The following NRG1 variants were observed in gnomAD, a reference collection of about 807,000 sequenced individuals.
The protein encoded by NRG1 is pro-neuregulin-1, membrane-bound isoform.
Under a neutral mutation model 63.8 loss-of-function variants are expected in NRG1, and 18 were observed. That is an observed-to-expected ratio of 0.28 (90% confidence interval 0.19 to 0.42). The LOEUF (loss-of-function observed/expected upper bound fraction) is 0.42, where lower values mean the gene tolerates loss of function less well. NRG1 is among the 10% of genes least tolerant of loss of function. The pLI is 1.00. For synonymous variants in NRG1, 302 were observed against 301.3 expected (o/e 1.00, Z -0.02); for missense variants, 762 against 814.7 (o/e 0.94, Z 0.79).
chr8:31,965,841 A>T (rs1806228513), intron 1 of NRG1, among the ~76,000 whole-genome samples: 1 of 152,210 alleles, frequency 6.6e-6, no homozygotes, highest in Admixed American at 6.5e-5. Context: ...GGGAACCATT[A>T]TCCTATGTGA....
chr8:31,686,375 A>G (rs968966756), intron 1 of NRG1, among the ~76,000 whole-genome samples: 4 of 152,168 alleles, frequency 2.6e-5, no homozygotes, highest in African/African-American at 4.8e-5. Flanking sequence ...TTAGAAAAAA[A>G]ATGGCCTGGA....
intron 1 of NRG1, among the ~76,000 whole-genome samples, chr8:31,958,707 C>T (rs927793862): frequency 2.0e-5 from 3 of 152,172 alleles, no homozygotes; most frequent in African/African-American, 7.2e-5. Context: ...TTTACTATTA[C>T]ATAAGTTCTG....
In NRG1 at chr8:31,901,353, C is replaced by T. The variant is rs1195358615; in HGVS notation, c.37+261922C>T. Among the ~76,000 whole-genome samples, 16 of 152,202 alleles carry T rather than the reference C, an allele frequency of 1.1e-4. No homozygotes were observed. The East Asian group carries it at 1.5e-3, about 15-fold the overall frequency. ...AAAACTACTTCTTAAGACAATTTTA[C>T]GACTGCATTGTTTCAATAGTACACC... On this transcript the variant is annotated intron_variant, in intron 1 of 10. Transcript: ENST00000519301.
intron 1 of NRG1, among the ~76,000 whole-genome samples, chr8:32,372,535 T>A (rs1809041141): frequency 6.6e-6 from 1 of 152,140 alleles, no homozygotes; most frequent in Admixed American, 6.6e-5. Flanking sequence ...ATTTGGTGTA[T>A]ACAAATGTCA....
chr8:31,757,890 G>C (rs942290431), intron 1 of NRG1, among the ~76,000 whole-genome samples: 1 of 151,912 alleles, frequency 6.6e-6, no homozygotes, highest in Admixed American at 6.6e-5. Context: ...ATTTCTTTAT[G>C]CACCTTCCCA....
chr8:32,438,881 G>T (rs1014783250), intron 1 of NRG1, among the ~76,000 whole-genome samples: 1 of 151,974 alleles, frequency 6.6e-6, no homozygotes, highest in Non-Finnish European at 1.5e-5. Context: ...TAATTAGATT[G>T]TTTTTTGACT....
chr8:32,429,818 T>C (rs969701472), intron 1 of NRG1, among the ~76,000 whole-genome samples: 1 of 152,214 alleles, frequency 6.6e-6, no homozygotes, highest in Non-Finnish European at 1.5e-5. Flanking sequence ...TTCTTTGTCA[T>C]GTCATTGCTC....
At chr8:31,926,563 G>T (rs972751066) in intron 1 of NRG1, among the ~76,000 whole-genome samples, 5 of 152,068 alleles carry the variant, frequency 3.3e-5, no homozygotes, top group African/African-American at 1.2e-4. Context: ...AATGTGATCT[G>T]ATTTGCATTT....
Position 32,435,156 on chromosome 8 carries a change from T to C in NRG1, c.38-160672T>C, listed in dbSNP as rs546482105. On this transcript the variant is annotated intron_variant, in intron 1 of 10. Coordinates refer to the NRG1 transcript ENST00000519301. ...AGATAGGCACAATGGGAGGCAGATA[T>C]TTCCATAAATGCCTTTTAAATCAGA... is the stretch of plus-strand genomic sequence containing the variant. Among the ~76,000 whole-genome samples the C allele has an allele frequency of 3.3e-5, 5 of 152,180 alleles. No individual in the cohort carries two copies. In the East Asian group the frequency reaches 7.7e-4, roughly 23 times the overall value.
chr8:32,401,726 G>T (rs1192485907), intron 1 of NRG1, among the ~76,000 whole-genome samples: 2 of 151,942 alleles, frequency 1.3e-5, no homozygotes, highest in Non-Finnish European at 2.9e-5. Flanking sequence ...AGACACTGGG[G>T]TCTGCTGAGG....
chr8:32,335,127 G>T (rs1803100878), intron 1 of NRG1, among the ~76,000 whole-genome samples: 1 of 152,142 alleles, frequency 6.6e-6, no homozygotes, highest in Non-Finnish European at 1.5e-5. Flanking sequence ...AAAGCAGGTG[G>T]TAATTTGCAG....
intron 1 of NRG1, among the ~76,000 whole-genome samples, chr8:32,444,858 G>A (rs1159504074): frequency 6.6e-6 from 1 of 152,184 alleles, no homozygotes; most frequent in Non-Finnish European, 1.5e-5. Flanking sequence ...TACCTTTAGA[G>A]GAAGAGATGG....
intron 1 of NRG1, among the ~76,000 whole-genome samples, chr8:31,905,804 T>G (rs1054848473): frequency 6.6e-6 from 1 of 152,230 alleles, no homozygotes; most frequent in African/African-American, 2.4e-5. Flanking sequence ...GAATTTCTGT[T>G]CATTGATCAA....
intron 1 of NRG1, among the ~76,000 whole-genome samples, chr8:32,070,207 G>T (rs1334462964): frequency 6.6e-6 from 1 of 152,136 alleles, no homozygotes; most frequent in East Asian, 1.9e-4. Context: ...AGTCAGAGCG[G>T]TACAAAATCT....
At chr8:32,172,033 C>T (rs868260511) in intron 1 of NRG1, among the ~76,000 whole-genome samples, 12 of 152,174 alleles carry the variant, frequency 7.9e-5, no homozygotes, top group African/African-American at 1.7e-4. Context: ...GATCTGAGAA[C>T]GGACAGACTG....
intron 1 of NRG1, among the ~76,000 whole-genome samples, chr8:31,750,866 G>A (rs34266964): frequency 0.08 from 12,129 of 151,882 alleles, 646 homozygotes; most frequent in South Asian, 0.12. Flanking sequence ...GGTTCCCAGC[G>A]TGCTTATATA....
chr8:31,907,705 T>A (rs915078458), intron 1 of NRG1, among the ~76,000 whole-genome samples: 2 of 152,200 alleles, frequency 1.3e-5, no homozygotes, highest in Non-Finnish European at 2.9e-5. Flanking sequence ...GAAGACTCTA[T>A]AATAAACTTA....
At chr8:32,030,891 G>A (rs964025063) in intron 1 of NRG1, among the ~76,000 whole-genome samples, 2 of 152,182 alleles carry the variant, frequency 1.3e-5, no homozygotes, top group African/African-American at 4.8e-5. Context: ...TAAAATGCAA[G>A]CCCCCAAGAC....
At chr8:32,732,672 T>C (rs891711314) in intron 6 of NRG1, among the ~76,000 whole-genome samples, 6 of 152,150 alleles carry the variant, frequency 3.9e-5, no homozygotes, top group Non-Finnish European at 7.4e-5. Flanking sequence ...AAAGTACTTT[T>C]AACTCTGGGG....
Sources: allele counts gnomAD v4.1 joint callset (sites outside exome capture counted in the v4.1 genomes callset), GRCh38; gene constraint gnomAD v4.1.1; transcripts MANE v1.5; gene names NCBI Gene and HGNC (gene_info 2026-07-23, HGNC 2026-07-21).